The following MEIOB variants were observed in gnomAD, a reference collection of about 807,000 sequenced individuals.
MEIOB encodes the protein meiosis-specific with OB domain-containing protein.
Under a neutral mutation model 53.1 loss-of-function variants are expected in MEIOB, and 50 were observed. The ratio of observed to expected loss-of-function variants is 0.94; its 90% CI spans 0.75 to 1.19. The LOEUF is 1.19. Among genes scored for constraint, MEIOB ranks in the 50% most tolerant of loss-of-function variants. The probability of loss-of-function intolerance (pLI) is 0.00; values close to 1 mark genes in which losing one functional copy is unlikely to be tolerated. For missense variants in MEIOB, 551 were observed against 550.8 expected (o/e 1.00, Z 0.00); for synonymous variants, 192 against 182.5 (o/e 1.05, Z -0.42).
At chr16:1,869,180 A>G (rs1899669489) in intron 1 of MEIOB, among the ~76,000 whole-genome samples, 1 of 152,040 alleles carries the variant, frequency 6.6e-6, no homozygotes, top group Non-Finnish European at 1.5e-5. Context: ...GGTGGAGTGC[A>G]GTGGCACAAT....
intron 6 of MEIOB, 25 bp downstream of exon 6, chr16:1,857,710 T>G: frequency 6.5e-7 from 1 of 1,545,030 alleles, no homozygotes; most frequent in Non-Finnish European, 8.8e-7. Flanking sequence ...AGATTGCACT[T>G]GGCTTTGTCG....
At chr16:1,836,758 A>C (rs1311829573) in intron 13 of MEIOB, among the ~76,000 whole-genome samples, 1 of 152,226 alleles carries the variant, frequency 6.6e-6, no homozygotes, top group African/African-American at 2.4e-5. Context: ...AACTAATTTC[A>C]TAATAACACT....
chr16:1,863,357 T>TA (rs1899500635), intron 3 of MEIOB, among the ~76,000 whole-genome samples: 2 of 151,778 alleles, frequency 1.3e-5, no homozygotes, highest in Admixed American at 6.6e-5. Context: ...AATTTTTGTT[T>TA]TTTGTTTTTT....
In MEIOB at chr16:1,844,850, A is replaced by G. The variant is rs1206228712; in HGVS notation, c.880+12T>C. 7.0e-7 allele frequency: 1 copy of G among 1,420,510 alleles called. No individual in the cohort carries two copies. Among genetic ancestry groups the G allele is most frequent in the Non-Finnish European group, 9.8e-7 (1 of 1,016,226 alleles). The allele number at this position is 1,420,510 out of a possible 1,614,324, so 88.0% of individuals were successfully genotyped here. A position where few individuals can be genotyped will look rare whatever the true frequency, so the allele number is the denominator to read the frequency against. On this transcript the variant is annotated intron_variant, in intron 10 of 13. Transcript: ENST00000325962. The stretch of plus-strand genomic sequence containing the variant: ...TTTAAAAAAATCCAAATATATTTAA[A>G]CGGTCACTTACAATTTATGGATTCT...
At chr16:1,864,660 G>C (rs544604791) in intron 3 of MEIOB, among the ~76,000 whole-genome samples, 2 of 151,548 alleles carry the variant, frequency 1.3e-5, no homozygotes, top group Admixed American at 6.6e-5. Context: ...GACTAATTTT[G>C]TATTTTTAGT....
At chr16:1,861,567 G>C (rs1337586406) in intron 4 of MEIOB, among the ~76,000 whole-genome samples, 6 of 128,152 alleles carry the variant, frequency 4.7e-5, no homozygotes, top group Non-Finnish European at 9.5e-5. Context: ...TTTTGAGACA[G>C]GGTCTTACTC....
chr16:1,864,946 G>A (rs1223233917), intron 3 of MEIOB, among the ~76,000 whole-genome samples: 1 of 152,102 alleles, frequency 6.6e-6, no homozygotes, highest in Non-Finnish European at 1.5e-5. Flanking sequence ...TAGTTAAGAT[G>A]AAATAAAGTG....
At chr16:1,853,856 A>G (rs1899232206) in intron 7 of MEIOB, among the ~76,000 whole-genome samples, 1 of 152,232 alleles carries the variant, frequency 6.6e-6, no homozygotes, top group Non-Finnish European at 1.5e-5. Flanking sequence ...ACACGACAGA[A>G]TTCAATAATA....
rs751186846 is a variant in MEIOB at position 1,839,414 on chromosome 16, A to G, written c.1059T>C (p.Asn353=). ...NRCSSCGYIV[N]EASNMCTTCN... Reference sequence around the variant, plus strand: ...AAGTTGTGCACATGTTAGATGCTTCATTTACAATATAACCACAGCTGGAAC... The same window carrying G: ...AAGTTGTGCACATGTTAGATGCTTCGTTTACAATATAACCACAGCTGGAAC... The change falls in exon 12 of 14, where the codon AAT becomes AAC. Residue 353 remains asparagine, a synonymous_variant. Coordinates refer to ENST00000325962, the MANE Select transcript of MEIOB (RefSeq NM_001163560.3). 4 of 1,613,060 alleles carry G rather than the reference A, an allele frequency of 2.5e-6. No individual in the cohort carries two copies. In the South Asian group the frequency reaches 4.4e-5, roughly 18 times the overall value.
In MEIOB at chr16:1,849,473, G is replaced by A. The variant is rs182273603; in HGVS notation, c.778+3566C>T. Among the ~76,000 whole-genome samples, 1,367 of 149,976 alleles carry A rather than the reference G, an allele frequency of 9.1e-3. 12 individuals carry two copies. Among genetic ancestry groups the A allele is most frequent in the Admixed American group, 0.014 (210 of 14,876 alleles). On this transcript the variant is annotated intron_variant, in intron 9 of 13. Coordinates refer to ENST00000325962, the MANE Select transcript of MEIOB (RefSeq NM_001163560.3). ...AGGCAGGAGAATGCTGTGAACCCGG[G>A]AGGCGAAGCTTGCAGTGAGCCAAGA...
intron 5 of MEIOB, 90 bp downstream of exon 5, chr16:1,860,313 G>GAAC (rs1899410527): frequency 1.5e-6 from 1 of 658,292 alleles, no homozygotes; most frequent in Non-Finnish European, 2.5e-6. Flanking sequence ...AATAGAAACA[G>GAAC]AACACTTTTA....
Position 1,865,273 on chromosome 16 carries a change from A to C in MEIOB, c.127+505T>G, listed in dbSNP as rs1289937931. Among the ~76,000 whole-genome samples the C allele has an allele frequency of 7.0e-4, 106 of 152,288 alleles. 1 individual carries two copies. The highest frequency in any genetic ancestry group is 1.5e-5 in the Non-Finnish European group (1 of 68,032). On this transcript the variant is annotated intron_variant, in intron 3 of 13. Coordinates refer to ENST00000325962, the MANE Select transcript of MEIOB (RefSeq NM_001163560.3). ...ATGGTGAAACCCCATCTCTACTAAA[A>C]ATACAAAAATTAGCTGGGCATGATG...
chr16:1,859,939 C>A (rs1357243917), intron 5 of MEIOB, among the ~76,000 whole-genome samples: 3 of 152,206 alleles, frequency 2.0e-5, no homozygotes, highest in African/African-American at 7.2e-5. Context: ...CCAGGTGAAC[C>A]CACTTCTCTG....
Position 1,853,256 on chromosome 16 carries a change from G to T in MEIOB, c.645C>A (p.Ser215=), listed in dbSNP as rs746380968. 2.6e-6 allele frequency: 4 copies of T among 1,549,696 alleles called. No homozygotes were observed. In the African/African-American group the frequency reaches 5.5e-5, roughly 21 times the overall value. ...GCATCCAGCTCTGTGCAAGTAGAATGGATTCATTATCCCAACTGCATTTGT... is the reference window on the plus strand; with the variant it reads ...GCATCCAGCTCTGTGCAAGTAGAATTGATTCATTATCCCAACTGCATTTGT... ...SFAMTCWDNE[S]ILLAQSWMPR... is the part of the protein sequence containing the mutation. The change falls in exon 8 of 14, where the codon TCC becomes TCA. Residue 215 remains serine, a synonymous_variant. Transcript: ENST00000325962.
At chr16:1,843,251 C>T (rs1220801529) in intron 10 of MEIOB, among the ~76,000 whole-genome samples, 1 of 151,068 alleles carries the variant, frequency 6.6e-6, no homozygotes, top group Non-Finnish European at 1.5e-5. Flanking sequence ...CGAGATCGCG[C>T]CACTGCACTC....
intron 2 of MEIOB, among the ~76,000 whole-genome samples, chr16:1,866,209 A>G (rs376186356): frequency 1.3e-5 from 2 of 152,328 alleles, no homozygotes; most frequent in South Asian, 2.1e-4. Context: ...TTTCCTTTAT[A>G]TAGGGTTTTC....
rs560059929 is a variant in MEIOB at position 1,866,657 on chromosome 16, G to A, written c.70-822C>T. Among the ~76,000 whole-genome samples, 6 of 152,156 alleles carry A rather than the reference G, an allele frequency of 3.9e-5. No homozygotes were observed. The South Asian group carries it at 6.2e-4, about 16-fold the overall frequency. On this transcript the variant is annotated intron_variant, in intron 2 of 13. Transcript: ENST00000325962. ...GAATCGCTTGAACCCAGAGGCACAG[G>A]TTGCAGTGAGCTTAGATCCCACTAT...
intron 4 of MEIOB, 76 bp downstream of exon 4, chr16:1,861,909 T>C (rs1899453156): frequency 2.9e-6 from 4 of 1,365,944 alleles, no homozygotes; most frequent in Non-Finnish European, 2.0e-6. Context: ...TTTCAACTCC[T>C]TCAGTATAGT....
intron 10 of MEIOB, among the ~76,000 whole-genome samples, chr16:1,843,767 G>A (rs1231993034): frequency 6.6e-6 from 1 of 150,950 alleles, no homozygotes; most frequent in Non-Finnish European, 1.5e-5. Flanking sequence ...ACATTAGTGA[G>A]GATGTGAAGC....
Sources: allele counts gnomAD v4.1 joint callset (sites outside exome capture counted in the v4.1 genomes callset), GRCh38; gene constraint gnomAD v4.1.1; transcripts MANE v1.5; gene names NCBI Gene and HGNC (gene_info 2026-07-23, HGNC 2026-07-21).